The following EIF4E3 variants were observed in gnomAD, a reference collection of about 807,000 sequenced individuals.
EIF4E3 encodes eukaryotic translation initiation factor 4E type 3.
Under a neutral mutation model 31.7 loss-of-function variants are expected in EIF4E3, and 26 were observed. The ratio of observed to expected loss-of-function variants is 0.82; its 90% CI spans 0.60 to 1.14. EIF4E3 has a LOEUF of 1.14. EIF4E3 is among the 50% of genes most tolerant of loss of function. The pLI is 0.00. For synonymous variants in EIF4E3, 128 were observed against 107.7 expected (o/e 1.19, Z -1.17); for missense variants, 304 against 270.9 (o/e 1.12, Z -0.86).
chr3:71,710,847 G>C (rs1260691336), intron 1 of EIF4E3, among the ~76,000 whole-genome samples: 1 of 152,150 alleles, frequency 6.6e-6, no homozygotes, highest in Non-Finnish European at 1.5e-5. Context: ...CTATTGTACA[G>C]ACGACAACGA....
the EIF4E3 span, among the ~76,000 whole-genome samples, chr3:71,661,019 G>C: frequency 6.6e-6 from 1 of 151,930 alleles, no homozygotes; most frequent in East Asian, 1.9e-4. Flanking sequence ...GCAGGGATGC[G>C]AGCGTTTCAT....
chr3:71,667,806 A>G, the EIF4E3 span, among the ~76,000 whole-genome samples: 1 of 152,244 alleles, frequency 6.6e-6, no homozygotes, highest in Admixed American at 6.5e-5. Flanking sequence ...AAGAATCAAT[A>G]TAGTGAAAAT....
chr3:71,695,197 G>C (rs963626564), intron 4 of EIF4E3, among the ~76,000 whole-genome samples: 1 of 152,172 alleles, frequency 6.6e-6, no homozygotes, highest in African/African-American at 2.4e-5. Flanking sequence ...AGAGCTGCGA[G>C]AGGCTGTTAG....
chr3:71,697,828 G>A (rs2108042714), intron 3 of EIF4E3, among the ~76,000 whole-genome samples: 1 of 152,260 alleles, frequency 6.6e-6, no homozygotes, highest in South Asian at 2.1e-4. Flanking sequence ...TGGACACTTA[G>A]GTTGATTCCA....
the EIF4E3 span, among the ~76,000 whole-genome samples, chr3:71,661,658 A>C: frequency 3.9e-5 from 6 of 152,216 alleles, no homozygotes; most frequent in Non-Finnish European, 7.3e-5. Flanking sequence ...TTGCAGTGGA[A>C]ATGGCACACT....
At chr3:71,707,117 G>A (rs1405798262) in intron 2 of EIF4E3, among the ~76,000 whole-genome samples, 2 of 152,150 alleles carry the variant, frequency 1.3e-5, no homozygotes, top group South Asian at 2.1e-4. Context: ...ACTGAAGAAA[G>A]CACGAAAAGA....
chr3:71,666,044 G>GC, the EIF4E3 span, among the ~76,000 whole-genome samples: 1 of 152,130 alleles, frequency 6.6e-6, no homozygotes, highest in East Asian at 1.9e-4. Flanking sequence ...AACTAGAGAA[G>GC]CAAGAGCAAA....
upstream of EIF4E3, chr3:71,754,701 C>T (rs1237984733): frequency 6.7e-6 from 10 of 1,489,136 alleles, no homozygotes; most frequent in Non-Finnish European, 8.9e-6. This position sits in a 1 kb window ranked among gnomAD's most constrained non-coding sequence, Gnocchi z 5.8. Flanking sequence ...GCGGCCCGCG[C>T]GCCTGGTGCC....
chr3:71,734,365 C>T (rs1053177013), intron 1 of EIF4E3, among the ~76,000 whole-genome samples: 1 of 152,110 alleles, frequency 6.6e-6, no homozygotes, highest in Admixed American at 6.6e-5. Context: ...CCTTTCAAAA[C>T]CTACCAGGTC....
At chr3:71,710,331 C>A in intron 2 of EIF4E3, 81 bp downstream of exon 2, 1 of 1,468,688 alleles carries the variant, frequency 6.8e-7, no homozygotes, top group East Asian at 2.5e-5. Context: ...GGGCTGCCAG[C>A]ACAGCAACAG....
chr3:71,691,213 T>A (rs2049059015), intron 5 of EIF4E3, among the ~76,000 whole-genome samples: 1 of 152,206 alleles, frequency 6.6e-6, no homozygotes, highest in South Asian at 2.1e-4. Flanking sequence ...TTTGCTTTAG[T>A]TAGTATGCTC....
At chr3:71,734,331 TG>T (rs1435051163) in intron 1 of EIF4E3, among the ~76,000 whole-genome samples, 2 of 151,446 alleles carry the variant, frequency 1.3e-5, no homozygotes, top group Non-Finnish European at 2.9e-5. Flanking sequence ...ACAATGATCT[TG>T]GAGATAGCTG....
At position 71,725,182 on chromosome 3, in the gene EIF4E3, GC is replaced by G; in HGVS notation, c.176+9del. The G allele has an allele frequency of 9.2e-7, 1 of 1,088,230 alleles. No individual in the cohort carries two copies. The highest frequency in any genetic ancestry group is 1.1e-6 in the Non-Finnish European group (1 of 898,680). 67.4% of individuals were successfully genotyped at this position (1,088,230 alleles called of 1,614,324 possible). On this transcript the variant is annotated intron_variant, in intron 1 of 6. Coordinates refer to ENST00000425534, the MANE Select transcript of EIF4E3 (RefSeq NM_001134651.2). This position sits in a 1 kb window ranked among gnomAD's most constrained non-coding sequence, Gnocchi z 6.1. ...CGGGGCCGTGCGCGGCGGGCCCCGC[GC>G]CCCCTCACCTGTCGAGCCAGAAGGT...
At chr3:71,754,755 G>C, upstream of EIF4E3, 1 of 1,350,720 alleles carries the variant, frequency 7.4e-7, no homozygotes, top group Non-Finnish European at 9.6e-7. This position sits in a 1 kb window ranked among gnomAD's most constrained non-coding sequence, Gnocchi z 5.8. Context: ...GGGCGCCACC[G>C]GCCAGGCGGC....
At chr3:71,704,238 C>CT (rs1467180032) in intron 2 of EIF4E3, among the ~76,000 whole-genome samples, 3 of 152,170 alleles carry the variant, frequency 2.0e-5, no homozygotes, top group African/African-American at 7.2e-5. Context: ...AAAACCAACT[C>CT]TGAGTTGGGG....
At chr3:71,684,796 C>T (rs777224016) in intron 6 of EIF4E3, 68 bp from the exon 7 acceptor site, 110 of 1,529,632 alleles carry the variant, frequency 7.2e-5, no homozygotes, top group Non-Finnish European at 9.7e-5. Context: ...ATGGGCCAAC[C>T]CTCCTCTAGG....
rs1366785640 is a variant in EIF4E3, at chr3:71,703,631, T to A, written c.250-3923A>T. On this transcript the variant is annotated intron_variant, in intron 2 of 6. Coordinates refer to ENST00000425534, the MANE Select transcript of EIF4E3 (RefSeq NM_001134651.2). ...TTACAGCCTTCTGCCAAATAGATAA[T>A]CATTCATTACCAAGAAAACTGGCAA... Among the ~76,000 whole-genome samples, 3 of 152,078 alleles carry A rather than the reference T, an allele frequency of 2.0e-5. No homozygotes were observed. The East Asian group carries it at 5.8e-4, about 29-fold the overall frequency.
chr3:71,725,419 G>A, upstream of EIF4E3: 2 of 973,086 alleles, frequency 2.1e-6, no homozygotes, highest in Non-Finnish European at 2.4e-6. The surrounding 1 kb of genome is among the most constrained non-coding windows in gnomAD (Gnocchi z 6.1). Context: ...CGGGGCGAGC[G>A]CGGCTGAGTC....
At chr3:71,670,064 G>A in the EIF4E3 span, among the ~76,000 whole-genome samples, 1 of 152,200 alleles carries the variant, frequency 6.6e-6, no homozygotes, top group East Asian at 1.9e-4. Flanking sequence ...ATCGTGTGAA[G>A]ATAAGGAATA....
Sources: gnomAD v4.1 joint callset for allele counts (sites outside exome capture counted in the v4.1 genomes callset) on GRCh38, gnomAD v4.1.1 for gene constraint, Gnocchi (gnomAD v3.1) non-coding constraint, MANE v1.5 for transcripts, NCBI Gene and HGNC (gene_info 2026-07-23, HGNC 2026-07-21) for gene names.